The following CPEB1 variants were observed in gnomAD, a reference collection of about 807,000 sequenced individuals.
The protein encoded by CPEB1 is cytoplasmic polyadenylation element-binding protein 1.
Under a neutral mutation model 65.8 loss-of-function variants are expected in CPEB1, and 7 were observed. The ratio of observed to expected loss-of-function variants is 0.11; its 90% CI spans 0.06 to 0.20. The LOEUF is 0.20. Ranked by LOEUF, CPEB1 falls within the 10% of genes least tolerant of loss-of-function variation. CPEB1 has a pLI of 1.00. For missense variants in CPEB1, 551 were observed against 712.2 expected, an observed-to-expected ratio of 0.77 and a Z score of 2.58; for synonymous variants, 262 against 260.0, an observed-to-expected ratio of 1.01 and a Z score of -0.08.
intron 3 of CPEB1, among the ~76,000 whole-genome samples, chr15:82,588,421 A>T (rs1430515396): frequency 6.6e-6 from 1 of 152,228 alleles, no homozygotes; most frequent in African/African-American, 2.4e-5. Flanking sequence ...GCTTTTAAAA[A>T]ATATATGCAC....
At chr15:82,544,868 G>A (rs377761497) in intron 12 of CPEB1, among the ~76,000 whole-genome samples, 166 bp from the exon 13 acceptor site, 1,923 of 152,294 alleles carry the variant, frequency 0.013, 49 homozygotes, top group African/African-American at 0.044. Flanking sequence ...CAACACAGAA[G>A]CCTGATTAAC....
At position 82,546,467 on chromosome 15, in the gene CPEB1, G is replaced by A. The variant is rs893878284; in HGVS notation, c.1630C>T (p.Pro544Ser). 4 of 1,613,882 alleles carry A rather than the reference G, an allele frequency of 2.5e-6. No individual in the cohort carries two copies. In the African/African-American group the frequency reaches 5.3e-5, roughly 22 times the overall value. The stretch of plus-strand genomic sequence containing the variant: ...TGATCTCGACAGAAGAAAGGACCAG[G>A]CTGAGAACTGCAGATATGACACAGA... ...DSLCHICSSQPGPFFCRDQVC... is the reference protein window; with the variant it reads ...DSLCHICSSQSGPFFCRDQVC... Residue 544 changes from proline (P) to serine (S), a missense_variant, in exon 12 of 13, where the codon CCT becomes TCT. Physicochemically the swap from Pro to Ser is moderately conservative, Grantham distance 74. Coordinates refer to ENST00000684509, the MANE Select transcript of CPEB1 (RefSeq NM_001365242.1).
chr15:82,645,868 A>AAAAT (rs34934987), intron 1 of CPEB1, among the ~76,000 whole-genome samples: 23 of 149,574 alleles, frequency 1.5e-4, no homozygotes, highest in East Asian at 6.0e-4. Flanking sequence ...ACTCCCTCTC[A>AAAAT]AAATAAATAA....
intron 4 of CPEB1, among the ~76,000 whole-genome samples, chr15:82,559,294 C>T (rs1169473548): frequency 1.3e-5 from 2 of 152,154 alleles, no homozygotes; most frequent in Non-Finnish European, 2.9e-5. Context: ...CCAGACCAGC[C>T]CACGCTCCTT....
At chr15:82,612,181 C>T (rs1284032169) in intron 3 of CPEB1, among the ~76,000 whole-genome samples, 5 of 152,004 alleles carry the variant, frequency 3.3e-5, no homozygotes, top group African/African-American at 7.2e-5. Flanking sequence ...AAAAACACAA[C>T]TTAGCAAAAC....
chr15:82,610,365 C>G (rs1370845673), intron 3 of CPEB1, among the ~76,000 whole-genome samples: 1 of 152,060 alleles, frequency 6.6e-6, no homozygotes, highest in Non-Finnish European at 1.5e-5. Context: ...AGTCATGAAG[C>G]AAGTATTTCC....
In CPEB1 at chr15:82,553,469, T is replaced by C. The variant is rs1298995502; in HGVS notation, c.1142A>G (p.Lys381Arg). Reference protein sequence around the residue: ...KDGKHPRCPPKGYVYLVFELE... With the variant: ...KDGKHPRCPPRGYVYLVFELE... ...TTTATTACCTTTAGGCATATTACCT[T>C]TGGGAGGACACCGGGGATGCTTGCC... is the stretch of plus-strand genomic sequence containing the variant. Residue 381 changes from lysine (K) to arginine (R), a missense_variant and splice_region_variant, in exon 8 of 13, where the codon AAA (lysine) becomes AGA (arginine). Coordinates refer to ENST00000684509, the MANE Select transcript of CPEB1 (RefSeq NM_001365242.1). The C allele has an allele frequency of 6.2e-7, 1 of 1,613,158 alleles. No individual in the cohort carries two copies. The highest frequency in any genetic ancestry group is 1.1e-5 in the South Asian group (1 of 91,006).
chr15:82,633,571 C>G (rs1223306091), intron 1 of CPEB1, among the ~76,000 whole-genome samples: 1 of 152,076 alleles, frequency 6.6e-6, no homozygotes. Context: ...CAGGGTTTCA[C>G]CATGTTGGCC....
At chr15:82,560,635 C>T (rs562972179) in intron 4 of CPEB1, among the ~76,000 whole-genome samples, 172 of 152,274 alleles carry the variant, frequency 1.1e-3, no homozygotes, top group Non-Finnish European at 2.2e-3. Flanking sequence ...TCAAGCAATC[C>T]TCTTACCTCA....
chr15:82,631,815 GA>G (rs1239694054), intron 1 of CPEB1, among the ~76,000 whole-genome samples: 1 of 151,572 alleles, frequency 6.6e-6, no homozygotes, highest in Non-Finnish European at 1.5e-5. Flanking sequence ...CCTAAGGGCT[GA>G]ATCCACTACA....
intron 11 of CPEB1, 62 bp downstream of exon 11, chr15:82,547,081 G>T (rs571323411): frequency 2.6e-6 from 3 of 1,141,438 alleles, no homozygotes; most frequent in East Asian, 2.4e-5. Context: ...CCTGCCCTGG[G>T]TAGTAACTGC....
chr15:82,629,431 G>A (rs976430435), intron 1 of CPEB1: 28 of 982,310 alleles, frequency 2.9e-5, no homozygotes, highest in African/African-American at 1.4e-4. Context: ...AGACATTACC[G>A]AATGAAAAAA....
At chr15:82,568,828 T>C (rs903446810) in intron 4 of CPEB1, among the ~76,000 whole-genome samples, 1 of 152,242 alleles carries the variant, frequency 6.6e-6, no homozygotes, top group Non-Finnish European at 1.5e-5. Flanking sequence ...GTACTTCCAG[T>C]GCTGCACACA....
chr15:82,576,757 T>C (rs1415931143), intron 3 of CPEB1, among the ~76,000 whole-genome samples: 1 of 152,202 alleles, frequency 6.6e-6, no homozygotes, highest in Non-Finnish European at 1.5e-5. Flanking sequence ...GTGTGGTGGC[T>C]CATACGTGTA....
intron 1 of CPEB1, chr15:82,629,129 A>G (rs1303497287): frequency 3.1e-6 from 1 of 317,980 alleles, no homozygotes; most frequent in Non-Finnish European, 4.5e-6. Flanking sequence ...AGCTGTTTAA[A>G]AATTTTCATT....
intron 3 of CPEB1, among the ~76,000 whole-genome samples, chr15:82,585,423 T>C (rs1485193388): frequency 1.3e-5 from 2 of 152,114 alleles, no homozygotes; most frequent in Non-Finnish European, 2.9e-5. Context: ...CTTTCAAAAT[T>C]TAAATGAAAC....
chr15:82,637,492 C>A (rs1286489008), intron 1 of CPEB1, among the ~76,000 whole-genome samples: 1 of 152,160 alleles, frequency 6.6e-6, no homozygotes. Context: ...CCTCTAGTAG[C>A]CAGCCTGTCT....
At chr15:82,548,252 T>G (rs1231378101) in intron 10 of CPEB1, among the ~76,000 whole-genome samples, 1 of 151,986 alleles carries the variant, frequency 6.6e-6, no homozygotes, top group Non-Finnish European at 1.5e-5. Context: ...GGAGAATCAC[T>G]TGAACCCAGG....
intron 4 of CPEB1, among the ~76,000 whole-genome samples, chr15:82,558,896 G>C (rs2037708326): frequency 6.6e-6 from 1 of 151,860 alleles, no homozygotes; most frequent in Non-Finnish European, 1.5e-5. Flanking sequence ...AGGAATAAGA[G>C]GGCTTTGCCA....
Sources: gnomAD v4.1 joint callset for allele counts (sites outside exome capture counted in the v4.1 genomes callset) on GRCh38, gnomAD v4.1.1 for gene constraint, MANE v1.5 for transcripts, NCBI Gene and HGNC (gene_info 2026-07-23, HGNC 2026-07-21) for gene names.